Variants in BBX observed in about 807,000 individuals in gnomAD.
BBX encodes the protein BBX high mobility group box domain containing, also known as HMG box transcription factor BBX.
In BBX, 30 loss-of-function variants were observed where a neutral mutation model predicts 100.2. The ratio of observed to expected loss-of-function variants is 0.30; its 90% confidence interval spans 0.22 to 0.41. The LOEUF is 0.41. Ranked by LOEUF, BBX falls within the 10% of genes least tolerant of loss-of-function variation. BBX has a pLI of 1.00. For synonymous variants in BBX, 376 were observed against 388.1 expected, an observed-to-expected ratio of 0.97 and a Z score of 0.37; for missense variants, 1,023 against 1,129.8, an observed-to-expected ratio of 0.91 and a Z score of 1.35.
intron 3 of BBX, among the ~76,000 whole-genome samples, chr3:107,695,677 T>C (rs142561441): frequency 0.24 from 35,837 of 151,046 alleles, 6,037 homozygotes; most frequent in East Asian, 0.85. Context: ...ATTCTGTTGA[T>C]TTGGGGTGGA....
intron 2 of BBX, among the ~76,000 whole-genome samples, chr3:107,585,738 A>G (rs1576401323): frequency 2.6e-5 from 4 of 152,334 alleles, no homozygotes; most frequent in Admixed American, 1.3e-4. Flanking sequence ...GTCCTAGAAT[A>G]GGAAACTTGT....
At chr3:107,768,216 A>G (rs1341256046) in intron 10 of BBX, among the ~76,000 whole-genome samples, 1 of 151,996 alleles carries the variant, frequency 6.6e-6, no homozygotes, top group African/African-American at 2.4e-5. Context: ...CCCTAATTAG[A>G]CCCCGACTGG....
intron 2 of BBX, among the ~76,000 whole-genome samples, chr3:107,557,768 T>C (rs2050188361): frequency 6.6e-6 from 1 of 152,242 alleles, no homozygotes; most frequent in Non-Finnish European, 1.5e-5. Context: ...AGTTATTGTA[T>C]GTAGTACAGT....
Position 107,805,638 on chromosome 3 carries a change from A to C in BBX, c.*181A>C. 1.7e-6 allele frequency: 2 copies of C among 1,182,940 alleles called. No individual in the cohort carries two copies. Among genetic ancestry groups the C allele is most frequent in the Admixed American group, 2.7e-5 (1 of 37,728 alleles). 73.3% of individuals were successfully genotyped at this position (1,182,940 alleles called of 1,614,324 possible). A position where few individuals can be genotyped will look rare whatever the true frequency, so the allele number is the denominator to read the frequency against. Reference sequence around the variant, plus strand: ...TCCTGGGCCAGTTTGTTCTCTCAGAACCCAGAATCTTTGAGGGTAAGGTTA... The same window carrying C: ...TCCTGGGCCAGTTTGTTCTCTCAGACCCCAGAATCTTTGAGGGTAAGGTTA... On this transcript the variant is annotated 3_prime_UTR_variant, in exon 18 of 18. Transcript: ENST00000325805.
chr3:107,546,367 A>G (rs186474509), intron 2 of BBX, among the ~76,000 whole-genome samples: 161 of 152,320 alleles, frequency 1.1e-3, no homozygotes, highest in African/African-American at 3.5e-3. Context: ...TAAGGACCAT[A>G]GTTTTTATAG....
rs181657688 is a variant in BBX at position 107,540,017 on chromosome 3, G to T, written c.-84+13619G>T. The stretch of plus-strand genomic sequence containing the variant: ...GGATGAGAACAGTCTAGCTCAGCAT[G>T]GGGATCTGGTAAGAATTGGGACAAT... On this transcript the variant is annotated intron_variant, in intron 2 of 17. Transcript: ENST00000325805. 1.4e-3 allele frequency among the ~76,000 whole-genome samples: 217 copies of T among 152,256 alleles called. 1 individual carries two copies. The highest frequency in any genetic ancestry group is 5.0e-3 in the African/African-American group (207 of 41,532).
intron 2 of BBX, among the ~76,000 whole-genome samples, chr3:107,540,634 C>T (rs1009296757): frequency 6.6e-6 from 1 of 152,160 alleles, no homozygotes; most frequent in African/African-American, 2.4e-5. Flanking sequence ...GTGACCAAAA[C>T]TGCCAAATCA....
chr3:107,570,798 G>T (rs1398389173), intron 2 of BBX, among the ~76,000 whole-genome samples: 1 of 152,032 alleles, frequency 6.6e-6, no homozygotes, highest in Non-Finnish European at 1.5e-5. Flanking sequence ...CAAGAGTTTG[G>T]GGTGGAGACT....
chr3:107,622,351 C>A (rs2055840808), intron 2 of BBX, among the ~76,000 whole-genome samples: 1 of 152,130 alleles, frequency 6.6e-6, no homozygotes, highest in Non-Finnish European at 1.5e-5. Flanking sequence ...TGGGTTGTTT[C>A]TACTTTATAG....
At chr3:107,628,969 C>T (rs1366560315) in intron 2 of BBX, among the ~76,000 whole-genome samples, 1 of 152,124 alleles carries the variant, frequency 6.6e-6, no homozygotes, top group East Asian at 1.9e-4. Context: ...TCTTTTTCCA[C>T]TTGAAAGAAG....
chr3:107,594,077 G>A (rs539086009), intron 2 of BBX, among the ~76,000 whole-genome samples: 1 of 152,266 alleles, frequency 6.6e-6, no homozygotes, highest in East Asian at 1.9e-4. Context: ...GTGTCAGATA[G>A]CAGTTATTTA....
chr3:107,728,670 A>G lies in BBX; in HGVS notation c.406-95A>G, dbSNP rs542729564. The G allele has an allele frequency of 7.1e-6, 8 of 1,120,020 alleles. No individual in the cohort carries two copies. In the South Asian group the frequency reaches 1.2e-4, roughly 17 times the overall value. 69.4% of individuals were successfully genotyped at this position (1,120,020 alleles called of 1,614,324 possible). A position where few individuals can be genotyped will look rare whatever the true frequency, so the allele number is the denominator to read the frequency against. ...AGAAGTCACTGAAATTGTTTTTCTC[A>G]CTTGGTATCTAAATAGGGGAATGGG... On this transcript the variant is annotated intron_variant, in intron 5 of 17. Transcript: ENST00000325805.
chr3:107,724,305 G>T (rs1203118785), intron 5 of BBX, among the ~76,000 whole-genome samples: 13 of 151,778 alleles, frequency 8.6e-5, no homozygotes, highest in South Asian at 2.1e-4. Flanking sequence ...TTCTGGATAT[G>T]AGCCCTTTGT....
At chr3:107,691,342 G>A (rs931598292) in intron 3 of BBX, among the ~76,000 whole-genome samples, 2 of 152,098 alleles carry the variant, frequency 1.3e-5, no homozygotes, top group Non-Finnish European at 2.9e-5. Flanking sequence ...AAATTTACTG[G>A]ATAAAAATAA....
chr3:107,685,848 T>C (rs564981827), intron 3 of BBX, among the ~76,000 whole-genome samples: 1 of 152,344 alleles, frequency 6.6e-6, no homozygotes, highest in African/African-American at 2.4e-5. Flanking sequence ...CTTTGTGATA[T>C]TCTTTCCTTT....
chr3:107,530,894 T>C (rs1177877030), intron 2 of BBX, among the ~76,000 whole-genome samples: 1 of 152,228 alleles, frequency 6.6e-6, no homozygotes, highest in Non-Finnish European at 1.5e-5. Flanking sequence ...CTAGGTATTA[T>C]CTATCAAATT....
chr3:107,679,273 C>T (rs991022151), intron 3 of BBX, among the ~76,000 whole-genome samples: 6 of 151,950 alleles, frequency 3.9e-5, no homozygotes, highest in East Asian at 1.9e-4. Context: ...TGTTTGACAC[C>T]GTACATATCT....
chr3:107,594,464 G>A (rs192712522), intron 2 of BBX, among the ~76,000 whole-genome samples: 19 of 152,246 alleles, frequency 1.2e-4, no homozygotes, highest in Admixed American at 5.9e-4. Flanking sequence ...TGACGGCAGC[G>A]GAGATGACAA....
chr3:107,533,734 G>A (rs1355191926), intron 2 of BBX, among the ~76,000 whole-genome samples: 8 of 152,086 alleles, frequency 5.3e-5, no homozygotes, highest in Non-Finnish European at 7.4e-5. Flanking sequence ...TGTTTCTTAT[G>A]TTTCTTATGT....
Sources: gnomAD v4.1 joint callset for allele counts (sites outside exome capture counted in the v4.1 genomes callset) on GRCh38, gnomAD v4.1.1 for gene constraint, MANE v1.5 for transcripts, NCBI Gene and HGNC (gene_info 2026-07-23, HGNC 2026-07-21) for gene names.